LIN54: variants seen among roughly 807,000 people sequenced by gnomAD.
LIN54 encodes the protein protein lin-54 homolog.
A neutral mutation model predicts 78.7 loss-of-function variants in LIN54; 9 were observed. The observed-to-expected ratio is 0.11, with a 90% CI of 0.07 to 0.20. The LOEUF (loss-of-function observed/expected upper bound fraction) is 0.20, where lower values mean the gene tolerates loss of function less well. Among genes scored for constraint, LIN54 ranks in the 10% least tolerant of loss-of-function variants. The pLI is 1.00. For missense variants in LIN54, 573 were observed against 889.9 expected, an observed-to-expected ratio of 0.64 and a Z score of 4.53; for synonymous variants, 269 against 318.4, an observed-to-expected ratio of 0.84 and a Z score of 1.65.
chr4:82,970,433 G>A lies in LIN54; in HGVS notation c.845C>T (p.Ser282Leu). 6.2e-7 allele frequency: 1 copy of A among 1,613,288 alleles called. No individual in the cohort carries two copies. Among genetic ancestry groups the A allele is most frequent in the Non-Finnish European group, 8.5e-7 (1 of 1,179,560 alleles). The change falls in exon 4 of 13, where the codon TCA becomes TTA. Residue 282 changes from serine (S) to leucine (L), a missense_variant. By Grantham distance (145) the Ser-to-Leu change is moderately radical (BLOSUM62 -2). Around this residue, in one of 6 missense-constraint regions of LIN54, gnomAD observed 199 missense variants for 260.9 expected, o/e 0.76. Transcript: ENST00000340417. ...ACTTTCAGATATTGTTATGGTCTTT[G>A]ATGGAGTTCCGGGAGTAGACTGTGA... ...VLSQSTPGTP[S>L]KTITISESGV... is the part of the protein sequence containing the mutation.
chr4:82,928,048 C>T lies in LIN54; in HGVS notation c.*54G>A. The T allele has an allele frequency of 6.9e-7, 1 of 1,439,926 alleles. No individual in the cohort carries two copies. The allele number at this position is 1,439,926 out of a possible 1,614,324, so 89.2% of individuals were successfully genotyped here. Reference sequence around the variant, plus strand: ...GTTTTTCTTCCAGAAAATCAAGTGTCCCTGCACCTTAAATTTTCTGTACAG... The same window carrying T: ...GTTTTTCTTCCAGAAAATCAAGTGTTCCTGCACCTTAAATTTTCTGTACAG... On this transcript the variant is annotated 3_prime_UTR_variant, in exon 13 of 13. Coordinates refer to ENST00000340417, the MANE Select transcript of LIN54 (RefSeq NM_194282.4).
intron 2 of LIN54, among the ~76,000 whole-genome samples, chr4:82,983,141 G>A (rs1560772420): frequency 6.6e-6 from 1 of 151,734 alleles, no homozygotes; most frequent in Non-Finnish European, 1.5e-5. Context: ...CTGAGTAGCT[G>A]GGATTATAGG....
intron 1 of LIN54, among the ~76,000 whole-genome samples, chr4:82,987,151 CGTGGTG>C (rs1727220266): frequency 6.6e-6 from 1 of 152,240 alleles, no homozygotes; most frequent in East Asian, 1.9e-4. Context: ...ATTAGCTAGG[CGTGGTG>C]GTGGGTGCTT....
At chr4:82,978,521 C>T (rs1406975078) in intron 3 of LIN54, among the ~76,000 whole-genome samples, 3 of 152,120 alleles carry the variant, frequency 2.0e-5, no homozygotes, top group South Asian at 4.1e-4. Flanking sequence ...ACTGGCAAAA[C>T]GGGAATGTTA....
intron 1 of LIN54, among the ~76,000 whole-genome samples, chr4:82,991,893 AT>A (rs941743611): frequency 6.6e-6 from 1 of 152,064 alleles, no homozygotes; most frequent in Non-Finnish European, 1.5e-5. Context: ...TTTGTTAAAC[AT>A]TTTTGTTATG....
intron 1 of LIN54, among the ~76,000 whole-genome samples, 167 bp downstream of exon 1, chr4:83,010,317 T>C (rs983748588): frequency 2.6e-5 from 4 of 152,190 alleles, no homozygotes; most frequent in Non-Finnish European, 5.9e-5. Context: ...GGAGCCCTCT[T>C]AACACTCAAA....
intron 4 of LIN54, among the ~76,000 whole-genome samples, chr4:82,964,904 A>G (rs967203732): frequency 6.6e-6 from 1 of 152,116 alleles, no homozygotes; most frequent in African/African-American, 2.4e-5. Context: ...AAGCTGAGGC[A>G]GGAGAATCAC....
Position 82,975,167 on chromosome 4 carries a change from G to A in LIN54, c.808+3716C>T, listed in dbSNP as rs374623448. Among the ~76,000 whole-genome samples the A allele has an allele frequency of 2.6e-5, 4 of 152,026 alleles. No individual in the cohort carries two copies. The East Asian group carries it at 5.8e-4, about 22-fold the overall frequency. The stretch of plus-strand genomic sequence containing the variant: ...GAGGTCATAAGTTCAAGACCAGCCT[G>A]GCCAAAATGGTGAAACCCCTTCTCT... On this transcript the variant is annotated intron_variant, in intron 3 of 12. Coordinates refer to ENST00000340417, the MANE Select transcript of LIN54 (RefSeq NM_194282.4).
chr4:83,002,973 A>C (rs1578664391), intron 1 of LIN54, among the ~76,000 whole-genome samples: 1 of 152,268 alleles, frequency 6.6e-6, no homozygotes, highest in African/African-American at 2.4e-5. Context: ...CCTAGAGCTT[A>C]CTACCAGCAT....
chr4:83,006,665 G>A (rs1224146421), intron 1 of LIN54, among the ~76,000 whole-genome samples: 2 of 151,608 alleles, frequency 1.3e-5, no homozygotes, highest in Non-Finnish European at 2.9e-5. Flanking sequence ...CAAGTATATA[G>A]TATTTAAATT....
intron 4 of LIN54, among the ~76,000 whole-genome samples, chr4:82,952,043 A>G (rs1022218987): frequency 1.3e-5 from 2 of 152,212 alleles, no homozygotes; most frequent in African/African-American, 4.8e-5. Flanking sequence ...AAAACAGGGC[A>G]AAGCTTCACA....
At chr4:82,973,399 T>C (rs776656743) in intron 3 of LIN54, among the ~76,000 whole-genome samples, 2 of 152,198 alleles carry the variant, frequency 1.3e-5, no homozygotes, top group Non-Finnish European at 2.9e-5. Flanking sequence ...TTCATCCTGG[T>C]AGCATTTCTG....
chr4:82,947,235 A>ATATATATATATATATATT, intron 4 of LIN54, among the ~76,000 whole-genome samples: 1 of 44,290 alleles, frequency 2.3e-5, no homozygotes, highest in African/African-American at 1.0e-4. Flanking sequence ...ATATATATAT[A>ATATATATATATATATATT]TTTTTTTTTT....
chr4:82,955,369 AATAACATAACATAACATAAC>A (rs537329208), intron 4 of LIN54, among the ~76,000 whole-genome samples: 11 of 138,292 alleles, frequency 8.0e-5, no homozygotes, highest in African/African-American at 1.4e-4. Flanking sequence ...ATCTCAAAAA[AATAACATAACATAACATAAC>A]ATAACATAAC....
intron 4 of LIN54, among the ~76,000 whole-genome samples, chr4:82,964,491 A>G (rs1030697929): frequency 3.9e-5 from 6 of 152,212 alleles, no homozygotes; most frequent in Admixed American, 1.3e-4. Flanking sequence ...TCAAATTATG[A>G]AAGTGTCCTT....
intron 1 of LIN54, among the ~76,000 whole-genome samples, chr4:83,007,589 C>T (rs1216364409): frequency 2.0e-5 from 3 of 152,084 alleles, no homozygotes; most frequent in Admixed American, 2.0e-4. Flanking sequence ...TTTACGGCAT[C>T]CGATAGTCTA....
intron 5 of LIN54, among the ~76,000 whole-genome samples, chr4:82,942,556 T>C (rs1722990088): frequency 6.6e-6 from 1 of 152,170 alleles, no homozygotes; most frequent in South Asian, 2.1e-4. Flanking sequence ...AGCAAGGTTA[T>C]AATAACCATT....
chr4:82,969,595 C>T (rs910560620), intron 4 of LIN54, among the ~76,000 whole-genome samples: 1 of 152,182 alleles, frequency 6.6e-6, no homozygotes, highest in Non-Finnish European at 1.5e-5. Context: ...AAATGTTTAA[C>T]GTTTGTTCTA....
chr4:82,979,017 T>C lies in LIN54; in HGVS notation c.685-11A>G, dbSNP rs751387000. On this transcript the variant is annotated splice_polypyrimidine_tract_variant and intron_variant, in intron 2 of 12. Transcript: ENST00000340417. ...AGGCTTCTTAGCAATCTGAAACATATAAATAACTATGAAGACCATCTGTTT... is the reference window on the plus strand; with the variant it reads ...AGGCTTCTTAGCAATCTGAAACATACAAATAACTATGAAGACCATCTGTTT... 7.1e-6 allele frequency: 11 copies of C among 1,556,184 alleles called. No individual in the cohort carries two copies. In the South Asian group the frequency reaches 1.1e-4, roughly 15 times the overall value.
Sources: allele counts gnomAD v4.1 joint callset (sites outside exome capture counted in the v4.1 genomes callset), GRCh38; gene constraint gnomAD v4.1.1; regional missense constraint gnomAD v4.1.1; transcripts MANE v1.5; gene names NCBI Gene and HGNC (gene_info 2026-07-23, HGNC 2026-07-21).